PCCB: variants seen among roughly 807,000 people sequenced by gnomAD.
PCCB encodes the protein propionyl-CoA carboxylase subunit beta.
Under a neutral mutation model 60.7 loss-of-function variants are expected in PCCB, and 43 were observed. The ratio of observed to expected loss-of-function variants is 0.71; its 90% confidence interval spans 0.55 to 0.91. The LOEUF is 0.91. PCCB is among the 40% of genes least tolerant of loss of function. PCCB has a pLI of 0.00. For missense variants in PCCB, 766 were observed against 702.8 expected, an observed-to-expected ratio of 1.09 and a Z score of -1.02; for synonymous variants, 276 against 255.9, an observed-to-expected ratio of 1.08 and a Z score of -0.75.
chr3:136,318,402 A>T (rs1263196086), intron 10 of PCCB, among the ~76,000 whole-genome samples: 1 of 152,194 alleles, frequency 6.6e-6, no homozygotes, highest in Non-Finnish European at 1.5e-5. Context: ...AAATTTTGTC[A>T]TGGTAAAATA....
At chr3:136,299,828 GTA>G (rs938169778) in intron 8 of PCCB, among the ~76,000 whole-genome samples, 1 of 148,228 alleles carries the variant, frequency 6.7e-6, no homozygotes, top group African/African-American at 2.6e-5. Context: ...GTGTATGTAT[GTA>G]TATGCATGTG....
intron 5 of PCCB, among the ~76,000 whole-genome samples, chr3:136,274,820 C>T (rs1298818570): frequency 6.6e-6 from 1 of 150,924 alleles, no homozygotes; most frequent in African/African-American, 2.4e-5. Context: ...TTCATTTCTT[C>T]TTTCTTTTTT....
At chr3:136,285,339 C>T (rs1933350580) in intron 6 of PCCB, among the ~76,000 whole-genome samples, 1 of 152,106 alleles carries the variant, frequency 6.6e-6, no homozygotes, top group South Asian at 2.1e-4. Context: ...GACCCTTATA[C>T]TGTTCCTTTT....
At chr3:136,291,578 CT>C (rs1214006192) in intron 6 of PCCB, among the ~76,000 whole-genome samples, 1 of 152,104 alleles carries the variant, frequency 6.6e-6, no homozygotes, top group Non-Finnish European at 1.5e-5. Context: ...GTCTCTCGTA[CT>C]TTTTTGGTGG....
At position 136,260,639 on chromosome 3, in the gene PCCB, G is replaced by A; in HGVS notation, c.429+104G>A. 8 of 977,450 alleles carry A rather than the reference G, an allele frequency of 8.2e-6. No individual in the cohort carries two copies. In the South Asian group the frequency reaches 9.6e-5, roughly 12 times the overall value. The allele number at this position is 977,450 out of a possible 1,614,324, so 60.5% of individuals were successfully genotyped here. On this transcript the variant is annotated intron_variant, in intron 4 of 14. Transcript: ENST00000251654. The stretch of plus-strand genomic sequence containing the variant: ...ACACTGAGCTAGGTACTTGGGGTAG[G>A]GCAGAGGTATGCAAGATGTGCTACC...
At chr3:136,323,522 G>A (rs1451284524) in intron 10 of PCCB, among the ~76,000 whole-genome samples, 1 of 152,084 alleles carries the variant, frequency 6.6e-6, no homozygotes, top group East Asian at 1.9e-4. Flanking sequence ...GGTGGCTCCT[G>A]CCTGTAATCC....
intron 5 of PCCB, among the ~76,000 whole-genome samples, chr3:136,282,764 T>C (rs534124813): frequency 6.6e-6 from 1 of 152,370 alleles, no homozygotes; most frequent in Non-Finnish European, 1.5e-5. Flanking sequence ...ATTTGAATTA[T>C]AGTCTGGTGT....
Position 136,297,959 on chromosome 3 carries a change from C to A in PCCB, c.771C>A (p.Ala257=). 1 of 1,614,090 alleles carries A rather than the reference C, an allele frequency of 6.2e-7. No individual in the cohort carries two copies. Residue 257 remains alanine, a synonymous_variant, in exon 8 of 15, where the codon GCC becomes GCA. Coordinates refer to ENST00000251654, the MANE Select transcript of PCCB (RefSeq NM_000532.5). ...TGCTCCCTGTTCTCTTAGGTGTGGC[C>A]CACAGAGCTTTTGAAAATGATGTTG... ...AKTHTTMSGV[A]HRAFENDVDA...
chr3:136,273,578 C>CTTTTT (rs56936911), intron 5 of PCCB, among the ~76,000 whole-genome samples: 6 of 59,192 alleles, frequency 1.0e-4, no homozygotes, highest in Admixed American at 1.7e-4. Context: ...CTTTTTCTTT[C>CTTTTT]TTTTTTTTTT....
rs527255181 is a variant in PCCB, at chr3:136,327,836, G to C, written c.1398+104G>C. The C allele has an allele frequency of 2.6e-5, 23 of 899,378 alleles. 1 individual carries two copies. In the South Asian group the frequency reaches 2.9e-4, roughly 11 times the overall value. 55.7% of individuals were successfully genotyped at this position (899,378 alleles called of 1,614,324 possible). A position where few individuals can be genotyped will look rare whatever the true frequency, so the allele number is the denominator to read the frequency against. On this transcript the variant is annotated intron_variant, in intron 13 of 14. Coordinates refer to ENST00000251654, the MANE Select transcript of PCCB (RefSeq NM_000532.5). ...TGTTGGAGAGAGGCCAGGGCCCCTA[G>C]GTTGAGCCAGGACTGAGGTGAATGG... is the stretch of plus-strand genomic sequence containing the variant.
chr3:136,298,376 G>A (rs1477004945), intron 8 of PCCB, among the ~76,000 whole-genome samples: 2 of 151,926 alleles, frequency 1.3e-5, no homozygotes, highest in East Asian at 1.9e-4. Context: ...AGAGATTCAA[G>A]TTTTTTTTGG....
At chr3:136,263,279 A>G (rs374897315) in intron 5 of PCCB, among the ~76,000 whole-genome samples, 3 of 74,316 alleles carry the variant, frequency 4.0e-5, no homozygotes, top group Admixed American at 1.5e-4. Context: ...TTTAATATTT[A>G]TTTATTTAGA....
At chr3:136,273,160 C>A (rs532272950) in intron 5 of PCCB, among the ~76,000 whole-genome samples, 1 of 151,976 alleles carries the variant, frequency 6.6e-6, no homozygotes, top group South Asian at 2.1e-4. Context: ...AGTTTTGTTC[C>A]ACTGTAGTCT....
At chr3:136,289,240 C>T (rs1933565069) in intron 6 of PCCB, among the ~76,000 whole-genome samples, 1 of 152,154 alleles carries the variant, frequency 6.6e-6, no homozygotes, top group African/African-American at 2.4e-5. Flanking sequence ...GTGTTAAGAT[C>T]TTCAACTGTA....
intron 10 of PCCB, among the ~76,000 whole-genome samples, chr3:136,323,251 T>TC (rs1394663249): frequency 6.6e-6 from 1 of 152,174 alleles, no homozygotes; most frequent in Non-Finnish European, 1.5e-5. Flanking sequence ...CATGTGGGTG[T>TC]CCCACAGGTC....
intron 9 of PCCB, among the ~76,000 whole-genome samples, chr3:136,309,903 A>T (rs1934595288): frequency 6.6e-6 from 1 of 152,130 alleles, no homozygotes. Flanking sequence ...AGCTTAAATG[A>T]ACCACCAAAT....
At position 136,279,792 on chromosome 3, in the gene PCCB, C is replaced by T. The variant is rs375550095; in HGVS notation, c.544-4045C>T. ...ACGCCATTCTCCTGCCTCAGCCTCC[C>T]GTGTAGCTGGGACTACAGGCGCGCA... On this transcript the variant is annotated intron_variant, in intron 5 of 14. Transcript: ENST00000251654. 4.3e-4 allele frequency among the ~76,000 whole-genome samples: 66 copies of T among 152,162 alleles called. No homozygotes were observed. In the East Asian group the frequency reaches 9.3e-3, roughly 21 times the overall value.
intron 9 of PCCB, among the ~76,000 whole-genome samples, chr3:136,308,869 A>G (rs1934547730): frequency 6.6e-6 from 1 of 152,210 alleles, no homozygotes; most frequent in Non-Finnish European, 1.5e-5. Flanking sequence ...AGAATTCTAA[A>G]AGAAAAAAAG....
At chr3:136,289,451 C>A (rs1455310705) in intron 6 of PCCB, among the ~76,000 whole-genome samples, 1 of 152,204 alleles carries the variant, frequency 6.6e-6, no homozygotes, top group Non-Finnish European at 1.5e-5. Flanking sequence ...TATAGCTACT[C>A]CTGATTTCTT....
Sources: allele counts gnomAD v4.1 joint callset (sites outside exome capture counted in the v4.1 genomes callset), GRCh38; gene constraint gnomAD v4.1.1; transcripts MANE v1.5; gene names NCBI Gene and HGNC (gene_info 2026-07-23, HGNC 2026-07-21).